TMEM236: variants seen among roughly 807,000 people sequenced by gnomAD.
TMEM236 encodes the protein family with sequence similarity 23, member A.
In TMEM236, 11 loss-of-function variants were observed where a neutral mutation model predicts 14.7. That is an observed-to-expected ratio of 0.75 (90% confidence interval 0.47 to 1.24). The LOEUF (loss-of-function observed/expected upper bound fraction) is 1.24. Ranked by LOEUF, TMEM236 falls within the 50% of genes most tolerant of loss-of-function variation. The pLI is 0.00. For missense variants in TMEM236, 464 were observed against 427.3 expected (o/e 1.09, Z -0.76); for synonymous variants, 182 against 168.6 (o/e 1.08, Z -0.62).
chr10:17,771,366 C>T lies in TMEM236; in HGVS notation c.315C>T (p.Ser105=), dbSNP rs781838057. ...VLTTLPCLTF[S]IAVTEVQKSI... ...CCACACTGCCCTGCCTCACCTTTTC[C>T]ATAGCAGTGACTGAGGTATGGAATT... The change falls in exon 2 of 4, where the codon TCC becomes TCT. Residue 105 remains serine, a synonymous_variant. Coordinates refer to ENST00000377495, the MANE Select transcript of TMEM236 (RefSeq NM_001098844.3). The T allele has an allele frequency of 1.9e-6, 3 of 1,613,876 alleles. No homozygotes were observed. The highest frequency in any genetic ancestry group is 2.5e-6 in the Non-Finnish European group (3 of 1,179,794).
intron 3 of TMEM236, among the ~76,000 whole-genome samples, chr10:17,786,476 G>A (rs970498602): frequency 1.5e-4 from 23 of 152,038 alleles, no homozygotes; most frequent in African/African-American, 4.8e-5. Flanking sequence ...CTCCTGCCTC[G>A]GCTTCCCAAA....
rs782724244 is a variant in TMEM236 at position 17,771,377 on chromosome 10, C to G, written c.326C>G (p.Thr109Ser). 2.1e-5 allele frequency: 34 copies of G among 1,613,492 alleles called. No individual in the cohort carries two copies. Among genetic ancestry groups the G allele is most frequent in the Middle Eastern group, 1.6e-4 (1 of 6,076 alleles). The change falls in exon 2 of 4, where the codon ACT (threonine) becomes AGT (serine). Residue 109 changes from threonine (T) to serine (S), a missense_variant. By Grantham distance (58) the Thr-to-Ser change is moderately conservative (BLOSUM62 1). Transcript: ENST00000377495. The part of the protein sequence containing the change: ...LPCLTFSIAV[T>S]EVQKSINGSA... ...TGCCTCACCTTTTCCATAGCAGTGA[C>G]TGAGGTATGGAATTTTTGATTTCTT...
intron 1 of TMEM236, among the ~76,000 whole-genome samples, chr10:17,756,914 A>G (rs1251003498): frequency 6.6e-6 from 1 of 151,750 alleles, no homozygotes; most frequent in Non-Finnish European, 1.5e-5. Context: ...TGGCTCAGGT[A>G]CCTCCCCTGT....
rs1271687500 is a variant in TMEM236 at position 17,797,918 on chromosome 10, A to G, written c.*1414A>G. 6.6e-6 allele frequency: 1 copy of G among 152,252 alleles called. No homozygotes were observed. Among genetic ancestry groups the G allele is most frequent in the African/African-American group, 2.4e-5 (1 of 41,474 alleles). The allele number at this position is 152,252 out of a possible 1,614,324, so 9.4% of individuals were successfully genotyped here. A position where few individuals can be genotyped will look rare whatever the true frequency, so the allele number is the denominator to read the frequency against. The stretch of plus-strand genomic sequence containing the variant: ...TTTATTTGTGGAATTTGATACTTTG[A>G]TAAATAATCAAAGTACAAGCCCTGT... On this transcript the variant is annotated 3_prime_UTR_variant, in exon 4 of 4. Coordinates refer to ENST00000377495, the MANE Select transcript of TMEM236 (RefSeq NM_001098844.3).
chr10:17,765,101 C>T (rs2461177), intron 1 of TMEM236, among the ~76,000 whole-genome samples: 125,578 of 151,982 alleles, frequency 0.83, 51,902 homozygotes, highest in East Asian at 1. Flanking sequence ...ATTACAGGCA[C>T]GAGCCACCAC....
Position 17,788,587 on chromosome 10 carries a change from CA to C in TMEM236, c.473-7322del, listed in dbSNP as rs1299358068. Among the ~76,000 whole-genome samples, 90 of 61,164 alleles carry C rather than the reference CA, an allele frequency of 1.5e-3. 1 individual carries two copies. The highest frequency in any genetic ancestry group is 3.0e-3 in the Admixed American group (16 of 5,344). 40.1% of individuals were successfully genotyped at this position (61,164 alleles called of 152,430 possible). Reference sequence around the variant, plus strand: ...GTAACATAGCAAGACCCCATCTCTACAAAAAAAAAAAAGAAAAAAAAAAAGT... The same window carrying C: ...GTAACATAGCAAGACCCCATCTCTACAAAAAAAAAAAGAAAAAAAAAAAGT... On this transcript the variant is annotated intron_variant, in intron 3 of 3. Transcript: ENST00000377495.
chr10:17,752,578 TC>T, intron 1 of TMEM236, 26 bp downstream of exon 1: 1 of 1,609,982 alleles, frequency 6.2e-7, no homozygotes, highest in African/African-American at 1.3e-5. Context: ...TTCTTTTTTT[TC>T]TTTTTGATTT....
intron 1 of TMEM236, among the ~76,000 whole-genome samples, chr10:17,759,844 G>C (rs891800926): frequency 6.6e-6 from 1 of 151,962 alleles, no homozygotes; most frequent in African/African-American, 2.4e-5. Flanking sequence ...AGCCGGGCGT[G>C]GTGGTGGACG....
chr10:17,764,949 G>A (rs1172203809), intron 1 of TMEM236, among the ~76,000 whole-genome samples: 1 of 149,762 alleles, frequency 6.7e-6, no homozygotes, highest in Non-Finnish European at 1.5e-5. Context: ...AGCCTCCCGG[G>A]TAGCTGGGAC....
At position 17,796,104 on chromosome 10, in the gene TMEM236, CCTGTGA is replaced by C; in HGVS notation, c.659_664del (p.Cys220_Asp221del). ...GTGTTCATGGGACCCCAGGAGCCCT[CCTGTGA>C]CTCCGGAATCCTGAGAATGATGTCC... On this transcript the variant is annotated inframe_deletion, in exon 4 of 4. Transcript: ENST00000377495. 7 of 1,613,864 alleles carry C rather than the reference CCTGTGA, an allele frequency of 4.3e-6. No homozygotes were observed. Among genetic ancestry groups the C allele is most frequent in the Non-Finnish European group, 5.9e-6 (7 of 1,179,844 alleles).
chr10:17,796,699 A>G lies in TMEM236; in HGVS notation c.*195A>G. ...AAATGGTGCTAAATTTAAGTAAAGTAATATTCTTATAAGTTGGCTCTCAGG... is the reference window on the plus strand; with the variant it reads ...AAATGGTGCTAAATTTAAGTAAAGTGATATTCTTATAAGTTGGCTCTCAGG... On this transcript the variant is annotated 3_prime_UTR_variant, in exon 4 of 4. Transcript: ENST00000377495. The G allele has an allele frequency of 3.3e-6, 2 of 601,010 alleles. 1 individual carries two copies. Among genetic ancestry groups the G allele is most frequent in the South Asian group, 4.1e-5 (2 of 48,794 alleles). The allele number at this position is 601,010 out of a possible 1,614,324, so 37.2% of individuals were successfully genotyped here.
intron 1 of TMEM236, among the ~76,000 whole-genome samples, chr10:17,759,982 C>CAA (rs35596189): frequency 0.11 from 5,745 of 54,514 alleles, 1,024 homozygotes; most frequent in Non-Finnish European, 0.13. Context: ...GACTCCGTCT[C>CAA]AAAAAAAAAA....
chr10:17,753,518 G>C (rs1189954198), intron 1 of TMEM236, among the ~76,000 whole-genome samples: 2 of 152,100 alleles, frequency 1.3e-5, no homozygotes, highest in Non-Finnish European at 2.9e-5. Context: ...CTGTTCCTGC[G>C]TTAGTTTGCT....
intron 1 of TMEM236, among the ~76,000 whole-genome samples, chr10:17,757,719 G>A (rs1353167257): frequency 6.6e-6 from 1 of 151,404 alleles, no homozygotes; most frequent in Non-Finnish European, 1.5e-5. Context: ...TTCTGACTTT[G>A]AATGCCAGGT....
intron 3 of TMEM236, among the ~76,000 whole-genome samples, chr10:17,780,788 CAAAAG>C (rs1309189172): frequency 6.6e-6 from 1 of 152,074 alleles, no homozygotes; most frequent in Non-Finnish European, 1.5e-5. Context: ...GTTTAATAGA[CAAAAG>C]AAAGAAAGGA....
intron 1 of TMEM236, among the ~76,000 whole-genome samples, chr10:17,761,739 G>T (rs958343749): frequency 1.3e-5 from 2 of 149,260 alleles, no homozygotes; most frequent in Admixed American, 6.7e-5. Context: ...TATCTCAGCC[G>T]CACCCCTTAA....
At chr10:17,774,668 G>A (rs1322074619) in intron 2 of TMEM236, among the ~76,000 whole-genome samples, 1 of 152,010 alleles carries the variant, frequency 6.6e-6, no homozygotes, top group Non-Finnish European at 1.5e-5. Context: ...AGAATTTCCT[G>A]CCTTTTTAAT....
chr10:17,768,090 T>G (rs1490270265), intron 1 of TMEM236, among the ~76,000 whole-genome samples: 3 of 125,404 alleles, frequency 2.4e-5, no homozygotes, highest in Admixed American at 7.7e-5. Context: ...TTTGTGGTTT[T>G]TTTTTTTTTT....
At chr10:17,765,267 G>A (rs944823994) in intron 1 of TMEM236, among the ~76,000 whole-genome samples, 9 of 152,086 alleles carry the variant, frequency 5.9e-5, no homozygotes, top group Non-Finnish European at 8.8e-5. Flanking sequence ...ACACATGTCT[G>A]TTTTGGGGTA....
Sources: allele counts gnomAD v4.1 joint callset (sites outside exome capture counted in the v4.1 genomes callset), GRCh38; gene constraint gnomAD v4.1.1; transcripts MANE v1.5; gene names NCBI Gene and HGNC (gene_info 2026-07-23, HGNC 2026-07-21).